The following EVC variants were observed in gnomAD, a reference collection of about 807,000 sequenced individuals.
EVC encodes EvC ciliary complex subunit 1, also known as evC complex member EVC.
Under a neutral mutation model 118.9 loss-of-function variants are expected in EVC, and 116 were observed. The ratio of observed to expected loss-of-function variants is 0.98; its 90% CI spans 0.84 to 1.14. The LOEUF (loss-of-function observed/expected upper bound fraction) is 1.14. EVC is among the 50% of genes most tolerant of loss of function. The pLI, the probability that EVC is intolerant of heterozygous loss-of-function variation, is 0.00. For missense variants in EVC, 1,401 were observed against 1,246.4 expected (o/e 1.12, Z -1.87); for synonymous variants, 619 against 534.7 (o/e 1.16, Z -2.18).
chr4:5,784,941 GTTAAA>G lies in EVC; in HGVS notation c.1776+1183_1776+1187del, dbSNP rs750700769. ...TTTTATCTTTAAAAAATTAAAAACT[GTTAAA>G]TTAAAGAAGGCATTTCCAAATTCAA... On this transcript the variant is annotated intron_variant, in intron 12 of 20. Transcript: ENST00000264956. Among the ~76,000 whole-genome samples the G allele has an allele frequency of 7.6e-4, 115 of 152,238 alleles. 1 individual carries two copies. Among genetic ancestry groups the G allele is most frequent in the Non-Finnish European group, 1.2e-3 (81 of 68,000 alleles).
At chr4:5,824,653 A>C in the EVC span, 6 of 935,644 alleles carry the variant, frequency 6.4e-6, no homozygotes, top group Non-Finnish European at 7.5e-6. Flanking sequence ...GCTATTGAAT[A>C]TAACATCCTA....
chr4:5,819,588 G>A, the EVC span, among the ~76,000 whole-genome samples: 7 of 152,142 alleles, frequency 4.6e-5, no homozygotes, highest in African/African-American at 1.2e-4. Flanking sequence ...CAAGCACCCC[G>A]TCAGAGTCTG....
At chr4:5,726,785 T>G (rs1443953524) in intron 2 of EVC, among the ~76,000 whole-genome samples, 2 of 139,418 alleles carry the variant, frequency 1.4e-5, no homozygotes, top group African/African-American at 5.3e-5. Flanking sequence ...TGTGATCTCA[T>G]TGTTCAATTC....
chr4:5,824,219 T>C, the EVC span: 2 of 871,356 alleles, frequency 2.3e-6, no homozygotes, highest in African/African-American at 1.8e-5. Context: ...AGCTTGTGTC[T>C]TGTTGCACCC....
At chr4:5,736,089 T>A (rs756494899) in intron 5 of EVC, among the ~76,000 whole-genome samples, 1 of 152,116 alleles carries the variant, frequency 6.6e-6, no homozygotes, top group Non-Finnish European at 1.5e-5. Context: ...TCTGGGCTTG[T>A]CCAAGAGGCA....
chr4:5,724,188 G>C (rs936623619), intron 2 of EVC, among the ~76,000 whole-genome samples: 3 of 152,198 alleles, frequency 2.0e-5, no homozygotes, highest in African/African-American at 7.2e-5. Context: ...GGCTGGAGAC[G>C]GCAGACCCTC....
rs572577824 is a variant in EVC at position 5,742,656 on chromosome 4, G to A, written c.801+842G>A. Among the ~76,000 whole-genome samples, 6 of 152,084 alleles carry A rather than the reference G, an allele frequency of 3.9e-5. No homozygotes were observed. The highest frequency in any genetic ancestry group is 1.4e-4 in the African/African-American group (6 of 41,484). On this transcript the variant is annotated intron_variant, in intron 6 of 20. Transcript: ENST00000264956. The surrounding 1 kb of genome is among the most constrained non-coding windows in gnomAD (Gnocchi z 5.2). ...CTCATGTCCTCATTACCATCATCAT[G>A]AGCATCATTTTTATCATTGTTGTAA...
intron 13 of EVC, among the ~76,000 whole-genome samples, chr4:5,794,389 T>A (rs1015973301): frequency 1.5e-4 from 20 of 137,528 alleles, no homozygotes; most frequent in African/African-American, 3.3e-4. Flanking sequence ...ATATATATAT[T>A]TTTTATATAT....
At chr4:5,767,887 A>G (rs969999340) in intron 11 of EVC, among the ~76,000 whole-genome samples, 8 of 152,184 alleles carry the variant, frequency 5.3e-5, no homozygotes, top group Non-Finnish European at 2.9e-5. Flanking sequence ...TGGGAGCTGT[A>G]GACCGGAGCT....
At chr4:5,820,093 G>A in the EVC span, among the ~76,000 whole-genome samples, 1 of 152,272 alleles carries the variant, frequency 6.6e-6, no homozygotes, top group Admixed American at 6.5e-5. Flanking sequence ...CTTCCTAAGT[G>A]TGTGATCCTA....
rs866822303 is a variant in EVC, at chr4:5,811,109, T to C, written c.*72T>C. The stretch of plus-strand genomic sequence containing the variant: ...GTGAATTCCACCTTCCCTCCTGCAG[T>C]GCTGAGAGGCAGCGAGGACGGAGAG... On this transcript the variant is annotated 3_prime_UTR_variant, in exon 21 of 21. Transcript: ENST00000264956. The C allele has an allele frequency of 8.0e-7, 1 of 1,250,824 alleles. No homozygotes were observed. The highest frequency in any genetic ancestry group is 2.5e-5 in the East Asian group (1 of 40,076). The allele number at this position is 1,250,824 out of a possible 1,614,324, so 77.5% of individuals were successfully genotyped here. A position where few individuals can be genotyped will look rare whatever the true frequency, so the allele number is the denominator to read the frequency against.
At chr4:5,805,810 C>T (rs1715779219) in intron 17 of EVC, among the ~76,000 whole-genome samples, 2 of 151,654 alleles carry the variant, frequency 1.3e-5, no homozygotes, top group South Asian at 4.2e-4. Flanking sequence ...ATGAGCCCAT[C>T]TGTGACTCAC....
intron 12 of EVC, among the ~76,000 whole-genome samples, chr4:5,788,415 AAC>A (rs1712117545): frequency 6.6e-6 from 1 of 152,164 alleles, no homozygotes; most frequent in African/African-American, 2.4e-5. Context: ...ACTGAGAGCC[AAC>A]AGCTTCCAAA....
At chr4:5,774,309 C>T (rs962594592) in intron 11 of EVC, among the ~76,000 whole-genome samples, 3 of 151,772 alleles carry the variant, frequency 2.0e-5, no homozygotes, top group Non-Finnish European at 4.4e-5. Flanking sequence ...CCCCCAAATG[C>T]TTTGTTCCTA....
At chr4:5,745,445 T>C in intron 7 of EVC, 104 bp downstream of exon 7, 3 of 1,261,790 alleles carry the variant, frequency 2.4e-6, no homozygotes, top group Non-Finnish European at 3.4e-6. Flanking sequence ...AATACTTGAA[T>C]TCCCCTATCG....
intron 7 of EVC, 111 bp from the exon 8 acceptor site, chr4:5,748,037 T>C (rs1729631746): frequency 1.7e-6 from 2 of 1,208,956 alleles, no homozygotes; most frequent in East Asian, 2.3e-5. Flanking sequence ...TAGAATTGTT[T>C]AGAATCTTTG....
chr4:5,809,726 C>A, intron 19 of EVC, 115 bp downstream of exon 19: 1 of 965,606 alleles, frequency 1.0e-6, no homozygotes, highest in Non-Finnish European at 1.6e-6. Flanking sequence ...TGCCTAGGCT[C>A]TCTGGGCTTT....
chr4:5,764,531 C>T (rs1732567441), intron 11 of EVC, among the ~76,000 whole-genome samples: 1 of 149,446 alleles, frequency 6.7e-6, no homozygotes, highest in African/African-American at 2.5e-5. Flanking sequence ...CCATCTGGTC[C>T]TGGACTCTTT....
rs1730968238 is a variant in EVC, at chr4:5,755,166, G to C, written c.1465-1098G>C. Reference sequence around the variant, plus strand: ...GTTTTTCTATCTTTGAGACCCATTTGAAATAAGAGGAAGATAAGGCTATTC... The same window carrying C: ...GTTTTTCTATCTTTGAGACCCATTTCAAATAAGAGGAAGATAAGGCTATTC... On this transcript the variant is annotated intron_variant, in intron 10 of 20. Transcript: ENST00000264956. This position sits in a 1 kb window ranked among gnomAD's most constrained non-coding sequence, Gnocchi z 4.1. 6.6e-6 allele frequency among the ~76,000 whole-genome samples: 1 copy of C among 152,188 alleles called. No individual in the cohort carries two copies. The highest frequency in any genetic ancestry group is 2.1e-4 in the South Asian group (1 of 4,820).
Sources: gnomAD v4.1 joint callset for allele counts (sites outside exome capture counted in the v4.1 genomes callset) on GRCh38, gnomAD v4.1.1 for gene constraint, Gnocchi (gnomAD v3.1) non-coding constraint, MANE v1.5 for transcripts, NCBI Gene and HGNC (gene_info 2026-07-23, HGNC 2026-07-21) for gene names.